The following ARHGEF28 variants were observed in gnomAD, a reference collection of about 807,000 sequenced individuals.
The protein encoded by ARHGEF28 is 190 kDa guanine nucleotide exchange factor.
In ARHGEF28, 152 loss-of-function variants were observed where a neutral mutation model predicts 206.6. The ratio of observed to expected loss-of-function variants is 0.74; its 90% CI spans 0.64 to 0.84. The LOEUF is 0.84. Among genes scored for constraint, ARHGEF28 ranks in the 40% least tolerant of loss-of-function variants. The pLI, the probability that ARHGEF28 is intolerant of heterozygous loss-of-function variation, is 0.00. For synonymous variants in ARHGEF28, 763 were observed against 776.4 expected (o/e 0.98, Z 0.29); for missense variants, 2,028 against 2,073.2 (o/e 0.98, Z 0.42).
At chr5:73,654,047 T>C (rs1220945041) in intron 1 of ARHGEF28, among the ~76,000 whole-genome samples, 6 of 152,286 alleles carry the variant, frequency 3.9e-5, no homozygotes, top group South Asian at 2.1e-4. Flanking sequence ...CACCCTAACT[T>C]CTCTCCTTAA....
At chr5:73,627,736 T>C (rs1298482274) in intron 1 of ARHGEF28, among the ~76,000 whole-genome samples, 2 of 152,258 alleles carry the variant, frequency 1.3e-5, no homozygotes, top group Non-Finnish European at 2.9e-5. Context: ...TGATTAACTT[T>C]GATCAAATAG....
intron 1 of ARHGEF28, among the ~76,000 whole-genome samples, chr5:73,671,694 T>TTATATATATATATATA (rs1182569252): frequency 1.2e-4 from 9 of 76,098 alleles, no homozygotes; most frequent in African/African-American, 3.2e-4. Flanking sequence ...TTGAACTTGA[T>TTATATATATATATATA]TATATATATA....
intron 2 of ARHGEF28, among the ~76,000 whole-genome samples, chr5:73,735,840 G>A (rs565119625): frequency 1.3e-5 from 2 of 152,248 alleles, no homozygotes; most frequent in Non-Finnish European, 2.9e-5. Flanking sequence ...TTCTCCAAAT[G>A]AGCCATTCTC....
intron 35 of ARHGEF28, among the ~76,000 whole-genome samples, chr5:73,935,088 A>G (rs775668866): frequency 1.3e-5 from 2 of 152,164 alleles, no homozygotes; most frequent in Non-Finnish European, 2.9e-5. Flanking sequence ...TCTTCATTGT[A>G]TGGATTGTTT....
At chr5:73,832,264 C>A in intron 9 of ARHGEF28, 74 bp from the exon 10 acceptor site, 2 of 1,545,232 alleles carry the variant, frequency 1.3e-6, no homozygotes, top group South Asian at 2.4e-5. Context: ...TTCTTATGGT[C>A]TAAGAAGGTA....
intron 4 of ARHGEF28, among the ~76,000 whole-genome samples, chr5:73,769,254 A>T (rs1487523079): frequency 6.6e-6 from 1 of 152,170 alleles, no homozygotes. Flanking sequence ...AAAAACAGAG[A>T]GATACACTCA....
intron 35 of ARHGEF28, among the ~76,000 whole-genome samples, chr5:73,918,230 G>A (rs376277985): frequency 1.3e-5 from 2 of 152,118 alleles, no homozygotes; most frequent in East Asian, 1.9e-4. Flanking sequence ...GCAAGCCATC[G>A]GATCTTTGTT....
rs537710694 is a variant in ARHGEF28, at chr5:73,899,201, C to G, written c.3973+1108C>G. 20 of 152,198 alleles carry G rather than the reference C, an allele frequency of 1.3e-4. No homozygotes were observed. In the South Asian group the frequency reaches 4.2e-3, roughly 32 times the overall value. The allele number at this position is 152,198 out of a possible 1,614,324, so 9.4% of individuals were successfully genotyped here. A position where few individuals can be genotyped will look rare whatever the true frequency, so the allele number is the denominator to read the frequency against. ...CAGATTCATCAGGGGAGTTGTACTG[C>G]CCTGGGTGATTTCCTTTTAAAAGAA... is the stretch of plus-strand genomic sequence containing the variant. On this transcript the variant is annotated intron_variant, in intron 30 of 35. Coordinates refer to ENST00000513042, the MANE Select transcript of ARHGEF28 (RefSeq NM_001177693.2).
chr5:73,767,942 T>C (rs3900460), intron 4 of ARHGEF28, among the ~76,000 whole-genome samples: 146,725 of 152,192 alleles, frequency 0.96, 70,792 homozygotes, highest in East Asian at 1. Flanking sequence ...GACTTGGTGC[T>C]TGGCATCCCA....
Position 73,904,348 on chromosome 5 carries a change from T to C in ARHGEF28, c.4114-10T>C, listed in dbSNP as rs777314217. 32 of 1,613,254 alleles carry C rather than the reference T, an allele frequency of 2.0e-5. No individual in the cohort carries two copies. Among genetic ancestry groups the C allele is most frequent in the Non-Finnish European group, 2.7e-5 (32 of 1,179,584 alleles). ...TTCAAGAATTTGACACTTACAATTT[T>C]GTTTTTCAGATTATACAAGCCATAC... On this transcript the variant is annotated splice_polypyrimidine_tract_variant and intron_variant, in intron 32 of 35. Transcript: ENST00000513042.
chr5:73,713,490 G>A (rs1749378006), intron 2 of ARHGEF28, among the ~76,000 whole-genome samples: 1 of 152,120 alleles, frequency 6.6e-6, no homozygotes, highest in Non-Finnish European at 1.5e-5. Flanking sequence ...GAGAGTGAGA[G>A]AGTTAAGAGG....
chr5:73,698,718 A>G (rs937687320), intron 2 of ARHGEF28, among the ~76,000 whole-genome samples: 3 of 152,090 alleles, frequency 2.0e-5, no homozygotes, highest in African/African-American at 7.2e-5. Context: ...TTGGATAAGA[A>G]CATGCTGAGA....
intron 2 of ARHGEF28, among the ~76,000 whole-genome samples, chr5:73,694,364 A>T (rs967053359): frequency 6.6e-6 from 1 of 152,208 alleles, no homozygotes; most frequent in African/African-American, 2.4e-5. Flanking sequence ...TTAAAGTCTG[A>T]TGCTGCCTCA....
In ARHGEF28 at chr5:73,852,792, T is replaced by C. The variant is rs1415467796; in HGVS notation, c.1790+100T>C. 5 of 1,286,734 alleles carry C rather than the reference T, an allele frequency of 3.9e-6. No homozygotes were observed. In the African/African-American group the frequency reaches 5.9e-5, roughly 15 times the overall value. The allele number at this position is 1,286,734 out of a possible 1,614,324, so 79.7% of individuals were successfully genotyped here. On this transcript the variant is annotated intron_variant, in intron 14 of 35. Coordinates refer to ENST00000513042, the MANE Select transcript of ARHGEF28 (RefSeq NM_001177693.2). ...TATCTGTTCACTAGTTCATGAGAGGTTTCCATGTAACAAGCCTGCCTAAGA... is the reference window on the plus strand; with the variant it reads ...TATCTGTTCACTAGTTCATGAGAGGCTTCCATGTAACAAGCCTGCCTAAGA...
At chr5:73,765,008 C>T (rs1184197374) in intron 4 of ARHGEF28, among the ~76,000 whole-genome samples, 2 of 152,028 alleles carry the variant, frequency 1.3e-5, no homozygotes, top group Non-Finnish European at 2.9e-5. Context: ...TTTCATTGTA[C>T]TTTTTGTTCA....
At chr5:73,672,370 ACTT>A (rs983339276) in intron 1 of ARHGEF28, among the ~76,000 whole-genome samples, 4 of 152,032 alleles carry the variant, frequency 2.6e-5, no homozygotes, top group South Asian at 2.1e-4. Flanking sequence ...CATTTACAGA[ACTT>A]CTTTATCTGT....
chr5:73,851,970 C>G (rs1331583739), intron 13 of ARHGEF28, among the ~76,000 whole-genome samples: 2 of 152,110 alleles, frequency 1.3e-5, no homozygotes, highest in African/African-American at 4.8e-5. Context: ...ATGGTGTGCT[C>G]CACAGTGACT....
At chr5:73,842,448 G>A (rs1758045913) in intron 11 of ARHGEF28, among the ~76,000 whole-genome samples, 1 of 152,090 alleles carries the variant, frequency 6.6e-6, no homozygotes, top group African/African-American at 2.4e-5. Flanking sequence ...GCACATATTG[G>A]TACCAAGGGT....
chr5:73,804,570 C>A (rs933941349), intron 9 of ARHGEF28, among the ~76,000 whole-genome samples: 1 of 152,278 alleles, frequency 6.6e-6, no homozygotes, highest in South Asian at 2.1e-4. Flanking sequence ...TATAGGCTTA[C>A]ATACTTTATT....
Sources: gnomAD v4.1 joint callset for allele counts (sites outside exome capture counted in the v4.1 genomes callset) on GRCh38, gnomAD v4.1.1 for gene constraint, MANE v1.5 for transcripts, NCBI Gene and HGNC (gene_info 2026-07-23, HGNC 2026-07-21) for gene names.